The following BMPR1B variants were observed in gnomAD, a reference collection of about 807,000 sequenced individuals.
BMPR1B encodes the protein bone morphogenetic protein receptor type-1B.
Under a neutral mutation model 59.1 loss-of-function variants are expected in BMPR1B, and 12 were observed. The ratio of observed to expected loss-of-function variants is 0.20; its 90% CI spans 0.13 to 0.33. The LOEUF (loss-of-function observed/expected upper bound fraction) is 0.33. BMPR1B is among the 10% of genes least tolerant of loss of function. The probability of loss-of-function intolerance (pLI) is 1.00; values close to 1 mark genes in which losing one functional copy is unlikely to be tolerated. For missense variants in BMPR1B, 550 were observed against 610.9 expected (o/e 0.90, Z 1.05); for synonymous variants, 237 against 207.3 (o/e 1.14, Z -1.23).
At chr4:95,062,918 A>G (rs1050332385) in intron 3 of BMPR1B, among the ~76,000 whole-genome samples, 1 of 152,198 alleles carries the variant, frequency 6.6e-6, no homozygotes, top group African/African-American at 2.4e-5. Flanking sequence ...CCGAATGAGA[A>G]TGCTTCGTTT....
chr4:95,049,456 T>G (rs1726292735), intron 3 of BMPR1B, among the ~76,000 whole-genome samples: 2 of 61,214 alleles, frequency 3.3e-5, no homozygotes, highest in African/African-American at 5.7e-5. Flanking sequence ...TTTTTTTTTT[T>G]TTTTTTTTTT....
Position 95,051,003 on chromosome 4 carries a change from CAGTT to C in BMPR1B, c.-17-53402_-17-53399del, listed in dbSNP as rs547635919. ...GCAATGGTTTTATTTATATAATAGT[CAGTT>C]AGGTTAACAGCTCTTAAAACTATAG... On this transcript the variant is annotated intron_variant, in intron 3 of 12. Transcript: ENST00000515059. 1.1e-4 allele frequency among the ~76,000 whole-genome samples: 17 copies of C among 152,238 alleles called. No individual in the cohort carries two copies. The South Asian group carries it at 2.7e-3, about 24-fold the overall frequency.
At chr4:94,833,893 T>A (rs919621501) in intron 1 of BMPR1B, among the ~76,000 whole-genome samples, 2 of 152,186 alleles carry the variant, frequency 1.3e-5, no homozygotes, top group Non-Finnish European at 2.9e-5. Context: ...TACCAGGTAA[T>A]CCTGATACAT....
At chr4:94,786,639 C>T (rs1031658914) in intron 1 of BMPR1B, among the ~76,000 whole-genome samples, 1 of 152,098 alleles carries the variant, frequency 6.6e-6, no homozygotes, top group Non-Finnish European at 1.5e-5. Context: ...CCCGGATTCA[C>T]ACCATTCTCC....
rs79348762 is a variant in BMPR1B at position 95,066,128 on chromosome 4, A to C, written c.-17-38280A>C. Among the ~76,000 whole-genome samples, 207 of 152,278 alleles carry C rather than the reference A, an allele frequency of 1.4e-3. 2 individuals are homozygous for C. In the East Asian group the frequency reaches 0.032, roughly 23 times the overall value. On this transcript the variant is annotated intron_variant, in intron 3 of 12. Transcript: ENST00000515059. ...TTTATCATGGTCTCTCCCCTCACAG[A>C]ATAAAAGATTCTCTTGGCAGACAAA...
intron 10 of BMPR1B, among the ~76,000 whole-genome samples, chr4:95,143,945 G>A (rs2149319646): frequency 6.6e-6 from 1 of 152,000 alleles, no homozygotes; most frequent in Middle Eastern, 3.4e-3. Context: ...TGTTTTTACT[G>A]GAGATTGTGA....
chr4:94,854,437 CAG>C lies in BMPR1B; in HGVS notation c.-182-21392_-182-21391del, dbSNP rs1325374845. Among the ~76,000 whole-genome samples, 14 of 152,166 alleles carry C rather than the reference CAG, an allele frequency of 9.2e-5. No individual in the cohort carries two copies. The East Asian group carries it at 2.5e-3, about 27-fold the overall frequency. On this transcript the variant is annotated intron_variant, in intron 1 of 12. Transcript: ENST00000515059. ...AAAAAGTTTTGTTGTATCAGTGACT[CAG>C]AAACAACAAGGGGTATTGAGATTGT...
intron 1 of BMPR1B, among the ~76,000 whole-genome samples, chr4:94,813,325 G>A (rs968447945): frequency 1.3e-5 from 2 of 152,114 alleles, no homozygotes; most frequent in African/African-American, 4.8e-5. Context: ...AATCGAGAAC[G>A]GCCACTCAGA....
At chr4:95,100,304 C>T (rs185860342) in intron 3 of BMPR1B, among the ~76,000 whole-genome samples, 1 of 152,022 alleles carries the variant, frequency 6.6e-6, no homozygotes, top group Admixed American at 6.6e-5. Flanking sequence ...TTTTTTTCCC[C>T]TGCCCTCACT....
intron 3 of BMPR1B, among the ~76,000 whole-genome samples, chr4:95,017,023 C>A: frequency 6.6e-6 from 1 of 152,214 alleles, no homozygotes; most frequent in African/African-American, 2.4e-5. Flanking sequence ...TTTCTTTTTC[C>A]ATAGGGAAAA....
intron 3 of BMPR1B, among the ~76,000 whole-genome samples, chr4:95,100,270 G>A (rs1730724091): frequency 6.6e-6 from 1 of 151,992 alleles, no homozygotes; most frequent in South Asian, 2.1e-4. Flanking sequence ...GTAAATTTTT[G>A]AGACTCAGAA....
intron 2 of BMPR1B, among the ~76,000 whole-genome samples, chr4:94,978,609 A>G (rs181021872): frequency 2.5e-4 from 38 of 152,342 alleles, no homozygotes; most frequent in African/African-American, 8.9e-4. Context: ...TATTGGTGGT[A>G]CGAGCATGGG....
At chr4:95,084,952 G>A (rs1175425645) in intron 3 of BMPR1B, among the ~76,000 whole-genome samples, 1 of 152,128 alleles carries the variant, frequency 6.6e-6, no homozygotes, top group Non-Finnish European at 1.5e-5. Flanking sequence ...TTGGAGTGTA[G>A]TTATCCTGTT....
chr4:94,853,675 G>A (rs1725646063), intron 1 of BMPR1B, among the ~76,000 whole-genome samples: 1 of 151,950 alleles, frequency 6.6e-6, no homozygotes, highest in African/African-American at 2.4e-5. Context: ...GGAAGAGGAG[G>A]TCATGGTCAG....
At chr4:94,763,165 T>G (rs1205237340) in intron 1 of BMPR1B, among the ~76,000 whole-genome samples, 1 of 152,154 alleles carries the variant, frequency 6.6e-6, no homozygotes, top group Non-Finnish European at 1.5e-5. Flanking sequence ...TGAATGAGCA[T>G]CTCTTCATTT....
At chr4:94,840,058 ATTCTT>A (rs1724993691) in intron 1 of BMPR1B, among the ~76,000 whole-genome samples, 1 of 151,696 alleles carries the variant, frequency 6.6e-6, no homozygotes, top group African/African-American at 2.4e-5. Context: ...TGTGTTGAAC[ATTCTT>A]TTCTTTAAGA....
At chr4:94,782,118 C>T (rs1722612833) in intron 1 of BMPR1B, among the ~76,000 whole-genome samples, 1 of 151,240 alleles carries the variant, frequency 6.6e-6, no homozygotes, top group African/African-American at 2.4e-5. Context: ...TTGGTAGCCC[C>T]CTTACATATA....
intron 3 of BMPR1B, among the ~76,000 whole-genome samples, chr4:95,048,699 A>G (rs1726220294): frequency 6.6e-6 from 1 of 152,180 alleles, no homozygotes. Context: ...TGGTACAGAT[A>G]GAGGCTTAAT....
chr4:94,984,756 T>C (rs1427207296), intron 2 of BMPR1B, among the ~76,000 whole-genome samples: 1 of 152,214 alleles, frequency 6.6e-6, no homozygotes, highest in African/African-American at 2.4e-5. Flanking sequence ...TTGTCATAGC[T>C]TTGCTGCTGT....
Sources: gnomAD v4.1 joint callset for allele counts (sites outside exome capture counted in the v4.1 genomes callset) on GRCh38, gnomAD v4.1.1 for gene constraint, MANE v1.5 for transcripts, NCBI Gene and HGNC (gene_info 2026-07-23, HGNC 2026-07-21) for gene names.